The following FRK variants were observed in gnomAD, a reference collection of about 807,000 sequenced individuals.
FRK encodes tyrosine-protein kinase FRK.
FRK carries 51 observed loss-of-function variants against 56.4 expected under a neutral mutation model. The ratio of observed to expected loss-of-function variants is 0.90; its 90% CI spans 0.72 to 1.14. The LOEUF is 1.14. Ranked by LOEUF, FRK falls within the 50% of genes most tolerant of loss-of-function variation. The pLI is 0.00. For missense variants in FRK, 570 were observed against 601.4 expected, an observed-to-expected ratio of 0.95 and a Z score of 0.55; for synonymous variants, 245 against 217.9, an observed-to-expected ratio of 1.12 and a Z score of -1.10.
At chr6:115,950,419 G>GA (rs1221879337) in intron 5 of FRK, among the ~76,000 whole-genome samples, 1 of 152,010 alleles carries the variant, frequency 6.6e-6, no homozygotes, top group African/African-American at 2.4e-5. Context: ...ACAAATATAT[G>GA]AAAAAAAGCT....
the FRK span, among the ~76,000 whole-genome samples, chr6:116,096,551 T>C: frequency 6.6e-6 from 1 of 151,942 alleles, no homozygotes; most frequent in Admixed American, 6.6e-5. Context: ...CCTAAAGGAT[T>C]GTAAATGTGC....
chr6:116,088,619 C>A, the FRK span, among the ~76,000 whole-genome samples: 4 of 152,170 alleles, frequency 2.6e-5, no homozygotes, highest in African/African-American at 7.2e-5. Flanking sequence ...GCTAACATCC[C>A]TGGTTCAAGG....
rs1452674346 is a variant in FRK at position 115,944,366 on chromosome 6, A to G, written c.1018T>C (p.Ser340Pro). The G allele has an allele frequency of 6.2e-7, 1 of 1,612,890 alleles. No individual in the cohort carries two copies. The highest frequency in any genetic ancestry group is 8.5e-7 in the Non-Finnish European group (1 of 1,179,580). The change falls in exon 6 of 8, where the codon TCT (serine) becomes CCT (proline). Residue 340 changes from serine to proline, a missense_variant. Coordinates refer to ENST00000606080, the MANE Select transcript of FRK (RefSeq NM_002031.3). ...QQVDMAAQVA[S>P]GMAYLESRNY... ...CGAGACTCCAGATAGGCCATTCCAGAGGCAACCTGTGCCGCCATGTCTACC... is the reference window on the plus strand; with the variant it reads ...CGAGACTCCAGATAGGCCATTCCAGGGGCAACCTGTGCCGCCATGTCTACC...
chr6:116,077,370 C>G, the FRK span, among the ~76,000 whole-genome samples: 1 of 152,194 alleles, frequency 6.6e-6, no homozygotes, highest in Non-Finnish European at 1.5e-5. Flanking sequence ...CAGCCCTTCC[C>G]CACCTTGATG....
chr6:116,044,078 T>C (rs1390687947), intron 1 of FRK, among the ~76,000 whole-genome samples: 4 of 152,116 alleles, frequency 2.6e-5, no homozygotes, highest in Non-Finnish European at 5.9e-5. Context: ...AGTTCCGAAA[T>C]TGTGGCAGTA....
the FRK span, among the ~76,000 whole-genome samples, chr6:116,080,462 C>CT: frequency 1.3e-5 from 2 of 152,128 alleles, no homozygotes; most frequent in Non-Finnish European, 2.9e-5. Context: ...CCAAAAAAGC[C>CT]TTTTTAAGTA....
chr6:116,055,614 C>G (rs1212791744), intron 1 of FRK, among the ~76,000 whole-genome samples: 1 of 152,162 alleles, frequency 6.6e-6, no homozygotes, highest in Non-Finnish European at 1.5e-5. Flanking sequence ...AACTTTATGG[C>G]CTTTATTGTT....
chr6:116,022,317 T>C (rs1249352237), intron 1 of FRK, among the ~76,000 whole-genome samples: 1 of 152,092 alleles, frequency 6.6e-6, no homozygotes, highest in Non-Finnish European at 1.5e-5. Flanking sequence ...TCCAATTTGT[T>C]TTATGACACA....
At chr6:115,999,189 G>A (rs1774954174) in intron 2 of FRK, among the ~76,000 whole-genome samples, 1 of 152,126 alleles carries the variant, frequency 6.6e-6, no homozygotes, top group South Asian at 2.1e-4. Flanking sequence ...CAGTTGACAT[G>A]CAGTTAGAAT....
intron 2 of FRK, among the ~76,000 whole-genome samples, chr6:115,978,826 T>C (rs1774085526): frequency 6.6e-6 from 1 of 152,156 alleles, no homozygotes; most frequent in South Asian, 2.1e-4. Flanking sequence ...ATGCTATATT[T>C]TTTGTTATTA....
chr6:115,950,273 A>C (rs1394782417), intron 5 of FRK, among the ~76,000 whole-genome samples: 1 of 151,622 alleles, frequency 6.6e-6, no homozygotes, highest in Non-Finnish European at 1.5e-5. Context: ...AAATTTTTGC[A>C]ATCTATCCAT....
rs1396189994 is a variant in FRK at position 115,941,743 on chromosome 6, ACT to A, written c.*669_*670del. 2 of 152,180 alleles carry A rather than the reference ACT, an allele frequency of 1.3e-5. No individual in the cohort carries two copies. The highest frequency in any genetic ancestry group is 2.9e-5 in the Non-Finnish European group (2 of 68,012). 9.4% of individuals were successfully genotyped at this position (152,180 alleles called of 1,614,324 possible). A position where few individuals can be genotyped will look rare whatever the true frequency, so the allele number is the denominator to read the frequency against. On this transcript the variant is annotated 3_prime_UTR_variant, in exon 8 of 8. Transcript: ENST00000606080. The stretch of plus-strand genomic sequence containing the variant: ...TAAGAGATTAAAACTAATGTATATG[ACT>A]CTCAGTTGACACATACTGAAGTACA...
intron 2 of FRK, among the ~76,000 whole-genome samples, chr6:115,986,424 C>T (rs1485608785): frequency 6.6e-6 from 1 of 152,034 alleles, no homozygotes; most frequent in Non-Finnish European, 1.5e-5. Flanking sequence ...TTGATTAAAC[C>T]ACTGAGATTT....
intron 1 of FRK, among the ~76,000 whole-genome samples, chr6:116,036,381 TTATACCC>T (rs1776480630): frequency 6.6e-6 from 1 of 152,170 alleles, no homozygotes; most frequent in African/African-American, 2.4e-5. Flanking sequence ...CATTCATTAC[TTATACCC>T]CTATTTCTAT....
At chr6:115,956,833 T>C (rs1219600968) in intron 4 of FRK, among the ~76,000 whole-genome samples, 1 of 152,190 alleles carries the variant, frequency 6.6e-6, no homozygotes, top group Non-Finnish European at 1.5e-5. Context: ...TGTTATGACC[T>C]GTAGGTGAAG....
chr6:115,943,489 C>CAAAAAAA (rs35923228), intron 6 of FRK, among the ~76,000 whole-genome samples: 2 of 59,572 alleles, frequency 3.4e-5, no homozygotes, highest in African/African-American at 1.3e-4. Flanking sequence ...TGGTCTTGAG[C>CAAAAAAA]AAAAAAAAAA....
chr6:116,028,166 G>GT (rs1776165606), intron 1 of FRK, among the ~76,000 whole-genome samples: 1 of 152,056 alleles, frequency 6.6e-6, no homozygotes, highest in Non-Finnish European at 1.5e-5. Context: ...ATGTTAACTG[G>GT]TTATACTGTC....
chr6:115,979,090 G>A (rs781632545), intron 2 of FRK, among the ~76,000 whole-genome samples: 17 of 151,638 alleles, frequency 1.1e-4, no homozygotes, highest in Non-Finnish European at 1.9e-4. Context: ...CAGACAGAGA[G>A]TATACTCTTT....
At chr6:115,949,537 A>C (rs947069070) in intron 5 of FRK, among the ~76,000 whole-genome samples, 1 of 152,208 alleles carries the variant, frequency 6.6e-6, no homozygotes, top group Non-Finnish European at 1.5e-5. Flanking sequence ...AAGAGAGGAC[A>C]CAGACAAATG....
Sources: allele counts gnomAD v4.1 joint callset (sites outside exome capture counted in the v4.1 genomes callset), GRCh38; gene constraint gnomAD v4.1.1; transcripts MANE v1.5; gene names NCBI Gene and HGNC (gene_info 2026-07-23, HGNC 2026-07-21).